PDZRN3: variants seen among roughly 807,000 people sequenced by gnomAD.
The protein encoded by PDZRN3 is PDZ domain containing ring finger 3.
PDZRN3 carries 38 observed loss-of-function variants against 85.7 expected under a neutral mutation model. The observed-to-expected ratio is 0.44, with a 90% confidence interval of 0.34 to 0.58. The LOEUF (loss-of-function observed/expected upper bound fraction) is 0.58, where lower values mean the gene tolerates loss of function less well. PDZRN3 is among the 20% of genes least tolerant of loss of function. The probability of loss-of-function intolerance (pLI) is 0.01; values close to 1 mark genes in which losing one functional copy is unlikely to be tolerated. For synonymous variants in PDZRN3, 759 were observed against 638.0 expected (o/e 1.19, Z -2.86); for missense variants, 1,629 against 1,506.4 (o/e 1.08, Z -1.35).
chr3:73,562,585 A>C (rs1431136200), intron 3 of PDZRN3, among the ~76,000 whole-genome samples: 2 of 152,274 alleles, frequency 1.3e-5, no homozygotes, highest in East Asian at 3.9e-4. Flanking sequence ...ATATTTACCA[A>C]GGTCAGCCCC....
chr3:73,430,441 C>T (rs1212542462), intron 3 of PDZRN3, among the ~76,000 whole-genome samples: 1 of 152,138 alleles, frequency 6.6e-6, no homozygotes, highest in African/African-American at 2.4e-5. Flanking sequence ...GAAAAGGTCA[C>T]CATTTTACAA....
chr3:73,602,487 A>C, intron 2 of PDZRN3, 26 bp from the exon 3 acceptor site: 1 of 1,118,548 alleles, frequency 8.9e-7, no homozygotes, highest in Non-Finnish European at 1.4e-6. Context: ...AAAAACATGC[A>C]TGAATGCTAG....
At chr3:73,603,493 T>C (rs1702546765) in intron 2 of PDZRN3, among the ~76,000 whole-genome samples, 1 of 152,200 alleles carries the variant, frequency 6.6e-6, no homozygotes, top group African/African-American at 2.4e-5. Flanking sequence ...GATGGATTTA[T>C]AAATTAAATG....
At chr3:73,555,482 T>G (rs1310876847) in intron 3 of PDZRN3, among the ~76,000 whole-genome samples, 1 of 152,192 alleles carries the variant, frequency 6.6e-6, no homozygotes, top group Non-Finnish European at 1.5e-5. Context: ...CTGAAGTAAT[T>G]AAAACTTTCC....
chr3:73,395,043 G>T (rs1014458865), intron 5 of PDZRN3, among the ~76,000 whole-genome samples: 3 of 152,250 alleles, frequency 2.0e-5, no homozygotes, highest in Non-Finnish European at 2.9e-5. Flanking sequence ...ATGAGCTTGA[G>T]AGTCCAAGGC....
chr3:73,589,895 A>G (rs1702328823), intron 3 of PDZRN3, among the ~76,000 whole-genome samples: 1 of 152,172 alleles, frequency 6.6e-6, no homozygotes, highest in African/African-American at 2.4e-5. Flanking sequence ...ATTTATATAT[A>G]TATTCATATA....
At chr3:73,506,895 C>CAAAAAAA (rs11354960) in intron 3 of PDZRN3, among the ~76,000 whole-genome samples, 1 of 131,464 alleles carries the variant, frequency 7.6e-6, no homozygotes, top group African/African-American at 2.8e-5. Context: ...GACCATGTCT[C>CAAAAAAA]AAAAAAAAAA....
intron 3 of PDZRN3, among the ~76,000 whole-genome samples, chr3:73,516,402 T>C (rs1301483551): frequency 2.0e-5 from 3 of 152,222 alleles, no homozygotes; most frequent in Non-Finnish European, 4.4e-5. Context: ...CTGTTACATC[T>C]CTGCCAACAT....
At chr3:73,562,104 G>C (rs1255244889) in intron 3 of PDZRN3, among the ~76,000 whole-genome samples, 1 of 152,074 alleles carries the variant, frequency 6.6e-6, no homozygotes, top group Admixed American at 6.5e-5. Context: ...AAACAGAATA[G>C]AAAAGCCTAA....
intron 3 of PDZRN3, among the ~76,000 whole-genome samples, chr3:73,516,596 C>CA (rs1384832606): frequency 6.6e-6 from 1 of 151,964 alleles, no homozygotes; most frequent in Non-Finnish European, 1.5e-5. Context: ...TGTTTTTTGC[C>CA]ATACATAAGT....
intron 3 of PDZRN3, among the ~76,000 whole-genome samples, chr3:73,450,287 T>C (rs146807713): frequency 1.3e-5 from 2 of 152,328 alleles, no homozygotes; most frequent in African/African-American, 2.4e-5. Flanking sequence ...CCTTACCCTA[T>C]AGAGCGTACT....
Position 73,383,912 on chromosome 3 carries a change from T to C in PDZRN3, c.2654A>G (p.Gln885Arg). ...CACGGCCGACTTCTGCTGGATCAGC[T>C]GCATGTAGCTCTGGTAGTGCTGGGC... ...AHAQHYQSYM[Q>R]LIQQKSAVEY... Residue 885 changes from glutamine to arginine, a missense_variant, in exon 10 of 10, where the codon CAG becomes CGG. Gln to Arg is a conservative substitution (Grantham distance 43). Coordinates refer to ENST00000263666, the MANE Select transcript of PDZRN3 (RefSeq NM_015009.3). The C allele has an allele frequency of 6.2e-7, 1 of 1,611,970 alleles. No homozygotes were observed. Among genetic ancestry groups the C allele is most frequent in the Non-Finnish European group, 8.5e-7 (1 of 1,179,306 alleles).
intron 2 of PDZRN3, 33 bp from the exon 3 acceptor site, chr3:73,602,494 C>T (rs759723386): frequency 1.9e-6 from 2 of 1,069,840 alleles, no homozygotes; most frequent in East Asian, 4.7e-5. Context: ...TGCATGAATG[C>T]TAGGCATTAA....
chr3:73,385,422 C>T (rs1253629919), intron 9 of PDZRN3, among the ~76,000 whole-genome samples: 1 of 152,204 alleles, frequency 6.6e-6, no homozygotes, highest in Admixed American at 6.5e-5. Context: ...GTTTTCCAAA[C>T]AAATTATCAG....
chr3:73,499,079 A>G (rs2106680019), intron 3 of PDZRN3, among the ~76,000 whole-genome samples: 1 of 152,276 alleles, frequency 6.6e-6, no homozygotes, highest in Non-Finnish European at 1.5e-5. Flanking sequence ...ACACCGCACG[A>G]AAGGGATAAA....
intron 3 of PDZRN3, among the ~76,000 whole-genome samples, chr3:73,558,061 T>C (rs1701738408): frequency 6.6e-6 from 1 of 152,082 alleles, no homozygotes; most frequent in South Asian, 2.1e-4. Context: ...AAAAAGTTTA[T>C]ATCTTTAATA....
intron 3 of PDZRN3, among the ~76,000 whole-genome samples, chr3:73,552,712 T>C (rs1039359126): frequency 6.6e-6 from 1 of 152,358 alleles, no homozygotes; most frequent in South Asian, 2.1e-4. Flanking sequence ...TACGGATTAT[T>C]TGCCCAAGAA....
At chr3:73,535,488 C>G (rs942631653) in intron 3 of PDZRN3, among the ~76,000 whole-genome samples, 1 of 152,206 alleles carries the variant, frequency 6.6e-6, no homozygotes, top group African/African-American at 2.4e-5. Flanking sequence ...AAAGATGTAT[C>G]AGCCAAGCCA....
intron 3 of PDZRN3, chr3:73,433,586 C>A: frequency 1.6e-6 from 2 of 1,224,482 alleles, no homozygotes; most frequent in Non-Finnish European, 2.3e-6. Context: ...AGAAGTTACA[C>A]TTGGCCAGGT....
Sources: allele counts gnomAD v4.1 joint callset (sites outside exome capture counted in the v4.1 genomes callset), GRCh38; gene constraint gnomAD v4.1.1; transcripts MANE v1.5; gene names NCBI Gene and HGNC (gene_info 2026-07-23, HGNC 2026-07-21).